TIAM2: variants seen among roughly 807,000 people sequenced by gnomAD.
TIAM2 encodes the protein TIAM Rac1 associated GEF 2, also known as rho guanine nucleotide exchange factor TIAM2.
TIAM2 carries 80 observed loss-of-function variants against 152.9 expected under a neutral mutation model. The ratio of observed to expected loss-of-function variants is 0.52; its 90% CI spans 0.44 to 0.63. TIAM2 has a LOEUF of 0.63. Ranked by LOEUF, TIAM2 falls within the 30% of genes least tolerant of loss-of-function variation. TIAM2 has a pLI of 0.00. For synonymous variants in TIAM2, 804 were observed against 838.0 expected (o/e 0.96, Z 0.70); for missense variants, 1,965 against 2,120.1 (o/e 0.93, Z 1.44).
At chr6:155,120,061 A>G (rs1779115384) in intron 2 of TIAM2, among the ~76,000 whole-genome samples, 1 of 152,200 alleles carries the variant, frequency 6.6e-6, no homozygotes, top group African/African-American at 2.4e-5. Context: ...GTTTTCTAAA[A>G]CAGGTGTGAG....
intron 15 of TIAM2, 65 bp downstream of exon 15, chr6:155,211,372 C>G: frequency 1.5e-6 from 2 of 1,352,032 alleles, no homozygotes; most frequent in African/African-American, 2.9e-5. Flanking sequence ...CCACCTTTAC[C>G]TAAGGTGGGG....
At position 155,214,103 on chromosome 6, in the gene TIAM2, C is replaced by T. The variant is rs1318154926; in HGVS notation, c.3168+2796C>T. Reference sequence around the variant, plus strand: ...ACAGGGATGTCTGGGTCAGAAGCCACGGCTGGGCAGTCACAGCTGTGCCCG... The same window carrying T: ...ACAGGGATGTCTGGGTCAGAAGCCATGGCTGGGCAGTCACAGCTGTGCCCG... On this transcript the variant is annotated intron_variant, in intron 15 of 26. Transcript: ENST00000682666. The surrounding 1 kb of genome is among the most constrained non-coding windows in gnomAD (Gnocchi z 5.4). Among the ~76,000 whole-genome samples, 3 of 152,216 alleles carry T rather than the reference C, an allele frequency of 2.0e-5. No individual in the cohort carries two copies. The highest frequency in any genetic ancestry group is 1.5e-5 in the Non-Finnish European group (1 of 68,042).
chr6:155,010,525 G>A (rs531936448), intron 1 of TIAM2, among the ~76,000 whole-genome samples: 114 of 152,120 alleles, frequency 7.5e-4, no homozygotes, highest in African/African-American at 2.6e-3. Flanking sequence ...GCACGATCTC[G>A]GCTCACTGCA....
intron 15 of TIAM2, among the ~76,000 whole-genome samples, chr6:155,237,921 T>A (rs778065418): frequency 6.6e-6 from 1 of 152,240 alleles, no homozygotes; most frequent in Non-Finnish European, 1.5e-5. Context: ...GTCTTGGGGA[T>A]TAACATTCAG....
chr6:155,005,122 T>C, intron 1 of TIAM2: 1 of 245,000 alleles, frequency 4.1e-6, no homozygotes, highest in Non-Finnish European at 8.6e-6. Context: ...GGCAAGGCTC[T>C]CTCCAATTAG....
intron 15 of TIAM2, among the ~76,000 whole-genome samples, chr6:155,239,057 T>C (rs1782904236): frequency 6.6e-6 from 1 of 152,214 alleles, no homozygotes; most frequent in South Asian, 2.1e-4. Flanking sequence ...ATAAAAAGCA[T>C]GCATCAGGCT....
At chr6:155,157,256 C>T (rs1377768752) in intron 7 of TIAM2, among the ~76,000 whole-genome samples, 3 of 152,138 alleles carry the variant, frequency 2.0e-5, no homozygotes, top group Admixed American at 1.3e-4. Flanking sequence ...TGCTTCACCC[C>T]CGTCTAACAG....
intron 1 of TIAM2, among the ~76,000 whole-genome samples, chr6:155,076,013 C>T (rs1777950341): frequency 6.6e-6 from 1 of 152,226 alleles, no homozygotes. Context: ...CAACAACAGA[C>T]AGGGCAGGTT....
intron 1 of TIAM2, among the ~76,000 whole-genome samples, chr6:155,002,547 G>A (rs990861375): frequency 3.3e-5 from 5 of 151,926 alleles, no homozygotes; most frequent in African/African-American, 1.2e-4. Flanking sequence ...AGTCATCCAC[G>A]GAGACCCAGA....
chr6:155,124,088 C>T (rs907522902), intron 2 of TIAM2, among the ~76,000 whole-genome samples: 1 of 152,190 alleles, frequency 6.6e-6, no homozygotes, highest in Non-Finnish European at 1.5e-5. Context: ...GGCTTGATCT[C>T]AGCTCACTGC....
chr6:155,166,942 T>A (rs1301838033), intron 9 of TIAM2, among the ~76,000 whole-genome samples: 1 of 152,236 alleles, frequency 6.6e-6, no homozygotes, highest in Non-Finnish European at 1.5e-5. Context: ...ATATTTTCAA[T>A]ATCATTGGAA....
intron 26 of TIAM2, chr6:155,256,016 A>AT (rs1583297257): frequency 6.8e-6 from 1 of 147,226 alleles, no homozygotes; most frequent in East Asian, 6.0e-4. Context: ...TCTTTAAAAA[A>AT]AAAGGGGGGG....
chr6:155,016,521 TACATTTAAATGGTA>T (rs1778588748), intron 1 of TIAM2, among the ~76,000 whole-genome samples: 1 of 151,758 alleles, frequency 6.6e-6, no homozygotes, highest in South Asian at 2.1e-4. Flanking sequence ...AAATGGTATT[TACATTTAAATGGTA>T]AATTTAAATT....
intron 15 of TIAM2, among the ~76,000 whole-genome samples, chr6:155,230,257 T>C (rs6935661): frequency 0.59 from 89,368 of 152,074 alleles, 27,676 homozygotes; most frequent in Middle Eastern, 0.74. Flanking sequence ...GTCTTTGTGG[T>C]GTCCACAGTT....
intron 15 of TIAM2, among the ~76,000 whole-genome samples, chr6:155,229,836 C>T (rs1042424938): frequency 2.0e-5 from 3 of 152,156 alleles, no homozygotes; most frequent in African/African-American, 4.8e-5. Flanking sequence ...GAAGGAGGAG[C>T]AAAGTCACAT....
At chr6:155,020,772 A>C (rs75965687) in intron 1 of TIAM2, among the ~76,000 whole-genome samples, 3,832 of 152,066 alleles carry the variant, frequency 0.025, 134 homozygotes, top group African/African-American at 0.087. Context: ...CATATTAGCC[A>C]TTTTTAAGTA....
chr6:155,230,612 T>C (rs1583267511), intron 15 of TIAM2, among the ~76,000 whole-genome samples: 1 of 152,188 alleles, frequency 6.6e-6, no homozygotes, highest in African/African-American at 2.4e-5. Context: ...AATAATTTTT[T>C]TTAAGTGGTA....
intron 7 of TIAM2, among the ~76,000 whole-genome samples, chr6:155,154,703 G>C (rs897306702): frequency 6.6e-6 from 1 of 152,186 alleles, no homozygotes; most frequent in Admixed American, 6.5e-5. Flanking sequence ...GCGATTTCCA[G>C]GGTAGACAGG....
At chr6:155,217,085 C>T (rs1410728924) in intron 15 of TIAM2, 9 of 1,289,446 alleles carry the variant, frequency 7.0e-6, no homozygotes, top group Non-Finnish European at 9.1e-6. Context: ...TTTTTATGTA[C>T]AGCATGTAAG....
Sources: gnomAD v4.1 joint callset for allele counts (sites outside exome capture counted in the v4.1 genomes callset) on GRCh38, gnomAD v4.1.1 for gene constraint, Gnocchi (gnomAD v3.1) non-coding constraint, MANE v1.5 for transcripts, NCBI Gene and HGNC (gene_info 2026-07-23, HGNC 2026-07-21) for gene names.